NCALD: variants seen among roughly 807,000 people sequenced by gnomAD.
The protein encoded by NCALD is neurocalcin-delta.
NCALD carries 10 observed loss-of-function variants against 18.6 expected under a neutral mutation model. The observed-to-expected ratio is 0.54, with a 90% CI of 0.33 to 0.91. The LOEUF is 0.91. Among genes scored for constraint, NCALD ranks in the 40% least tolerant of loss-of-function variants. The pLI is 0.03. For missense variants in NCALD, 184 were observed against 247.6 expected (o/e 0.74, Z 1.72); for synonymous variants, 88 against 87.4 (o/e 1.01, Z -0.04).
chr8:101,901,298 C>CA lies in NCALD; in HGVS notation c.-106-14072dup, dbSNP rs60499816. Among the ~76,000 whole-genome samples the CA allele has an allele frequency of 1.5e-4, 22 of 148,596 alleles. No individual in the cohort carries two copies. In the South Asian group the frequency reaches 2.8e-3, roughly 19 times the overall value. ...GGGGTTTTTTAAAAATCCATCATGT[C>CA]AAAAAAAAAATCCATTATGTCAATC... On this transcript the variant is annotated intron_variant, in intron 3 of 6. Coordinates refer to the NCALD transcript ENST00000311028.
At chr8:102,073,230 G>A (rs1824236033) in intron 1 of NCALD, among the ~76,000 whole-genome samples, 1 of 152,184 alleles carries the variant, frequency 6.6e-6, no homozygotes, top group Non-Finnish European at 1.5e-5. Context: ...GAAGCCGGGA[G>A]GCAGAGGTTG....
At chr8:101,787,430 G>A (rs1812270605) in intron 1 of NCALD, among the ~76,000 whole-genome samples, 1 of 152,178 alleles carries the variant, frequency 6.6e-6, no homozygotes. Context: ...AACAGCTTGT[G>A]CAAAATGTCA....
chr8:101,768,389 GGGC>G (rs71278805), intron 1 of NCALD, among the ~76,000 whole-genome samples: 106,716 of 151,782 alleles, frequency 0.7, 37,598 homozygotes, highest in East Asian at 0.84. Context: ...AGTTGTAGGA[GGGC>G]GGCCAATGAG....
chr8:101,979,287 C>CCCTTA (rs10627307), intron 2 of NCALD, among the ~76,000 whole-genome samples: 14 of 151,770 alleles, frequency 9.2e-5, no homozygotes, highest in African/African-American at 3.4e-4. Flanking sequence ...GGCCAGCCCT[C>CCCTTA]AAAGTATGGC....
chr8:101,688,561 ATATGT>A lies in NCALD; in HGVS notation c.*743_*747del. The A allele has an allele frequency of 2.3e-6, 1 of 428,094 alleles. No homozygotes were observed. The highest frequency in any genetic ancestry group is 4.7e-6 in the Non-Finnish European group (1 of 214,604). The allele number at this position is 428,094 out of a possible 1,614,324, so 26.5% of individuals were successfully genotyped here. Reference sequence around the variant, plus strand: ...CACTTAATTTGGTCTGCATTACCCAATATGTTATATACAGCCGTCTTTTTATTTTA... The same window carrying A: ...CACTTAATTTGGTCTGCATTACCCAATATATACAGCCGTCTTTTTATTTTA... On this transcript the variant is annotated 3_prime_UTR_variant, in exon 4 of 4. Transcript: ENST00000220931.
At chr8:101,724,015 T>C (rs543280813) in intron 1 of NCALD, among the ~76,000 whole-genome samples, 35 of 152,224 alleles carry the variant, frequency 2.3e-4, no homozygotes, top group Non-Finnish European at 4.3e-4. Flanking sequence ...GTAATGCTAA[T>C]ACTGCTTCAG....
chr8:101,806,858 CAT>C (rs1813120598), intron 4 of NCALD, among the ~76,000 whole-genome samples: 1 of 150,646 alleles, frequency 6.6e-6, no homozygotes. Context: ...CCAGACATAT[CAT>C]AGTTAAAATG....
intron 3 of NCALD, among the ~76,000 whole-genome samples, chr8:101,888,025 C>T (rs1315894641): frequency 1.3e-5 from 2 of 152,122 alleles, no homozygotes; most frequent in African/African-American, 2.4e-5. Context: ...ACAGTGTCAG[C>T]GTCATGGCAG....
chr8:101,967,788 T>C (rs1284279972), intron 2 of NCALD, among the ~76,000 whole-genome samples: 1 of 151,796 alleles, frequency 6.6e-6, no homozygotes, highest in Non-Finnish European at 1.5e-5. Context: ...TACCCCAGAG[T>C]AGGCCTACGT....
intron 2 of NCALD, among the ~76,000 whole-genome samples, chr8:101,982,714 G>T (rs1181009589): frequency 1.3e-5 from 2 of 152,016 alleles, no homozygotes; most frequent in African/African-American, 4.8e-5. Flanking sequence ...GGTGGCACAC[G>T]CCTGTAGTCC....
intron 2 of NCALD, among the ~76,000 whole-genome samples, chr8:101,959,694 A>C (rs1338009808): frequency 6.6e-6 from 1 of 152,134 alleles, no homozygotes; most frequent in Admixed American, 6.5e-5. Context: ...ACTTTTTGGC[A>C]CAACATGTTG....
intron 2 of NCALD, among the ~76,000 whole-genome samples, chr8:102,014,929 TC>T (rs2132078730): frequency 6.6e-6 from 1 of 152,248 alleles, no homozygotes; most frequent in African/African-American, 2.4e-5. Flanking sequence ...CCTGTGATTC[TC>T]CATTTCTAAC....
intron 4 of NCALD, among the ~76,000 whole-genome samples, chr8:101,829,974 G>GTTTTTT (rs35295834): frequency 6.0e-5 from 7 of 116,156 alleles, no homozygotes; most frequent in South Asian, 2.9e-4. Flanking sequence ...AGTCACATGG[G>GTTTTTT]TTTTTTTTTT....
At chr8:101,993,637 C>G (rs1586887921) in intron 2 of NCALD, among the ~76,000 whole-genome samples, 1 of 152,178 alleles carries the variant, frequency 6.6e-6, no homozygotes, top group African/African-American at 2.4e-5. Flanking sequence ...CCTCTTGGTC[C>G]TCCTACTACT....
At chr8:101,931,150 T>G (rs1818557337) in intron 2 of NCALD, among the ~76,000 whole-genome samples, 1 of 152,094 alleles carries the variant, frequency 6.6e-6, no homozygotes, top group Non-Finnish European at 1.5e-5. Flanking sequence ...TATAGTGAAT[T>G]AAGTACTCAT....
chr8:101,850,302 G>C (rs1345118015), intron 4 of NCALD, among the ~76,000 whole-genome samples: 1 of 152,170 alleles, frequency 6.6e-6, no homozygotes, highest in African/African-American at 2.4e-5. Flanking sequence ...GCAATTCCAA[G>C]ACACCATCTC....
chr8:101,879,055 G>A (rs1003278384), intron 4 of NCALD, among the ~76,000 whole-genome samples: 5 of 152,172 alleles, frequency 3.3e-5, no homozygotes, highest in Admixed American at 6.5e-5. Context: ...ACAGGAGCTG[G>A]ACATTGCCAC....
chr8:102,054,402 C>T (rs981061551), intron 1 of NCALD, among the ~76,000 whole-genome samples: 1 of 152,098 alleles, frequency 6.6e-6, no homozygotes, highest in Non-Finnish European at 1.5e-5. Context: ...CACCACTACA[C>T]AGTATATTCA....
intron 1 of NCALD, among the ~76,000 whole-genome samples, chr8:102,088,529 G>A (rs534560916): frequency 6.6e-5 from 10 of 151,224 alleles, no homozygotes; most frequent in South Asian, 4.2e-4. Context: ...AAAAACACAG[G>A]AGGTGCCATA....
Sources: allele counts gnomAD v4.1 joint callset (sites outside exome capture counted in the v4.1 genomes callset), GRCh38; gene constraint gnomAD v4.1.1; transcripts MANE v1.5; gene names NCBI Gene and HGNC (gene_info 2026-07-23, HGNC 2026-07-21).